The following NUP160 variants were observed in gnomAD, a reference collection of about 807,000 sequenced individuals.
NUP160 encodes the protein nuclear pore complex protein Nup160.
In NUP160, 94 loss-of-function variants were observed where a neutral mutation model predicts 196.9. The ratio of observed to expected loss-of-function variants is 0.48; its 90% CI spans 0.40 to 0.57. The LOEUF is 0.57. NUP160 is among the 20% of genes least tolerant of loss of function. The pLI is 0.00. For missense variants in NUP160, 1,638 were observed against 1,748.3 expected (o/e 0.94, Z 1.13); for synonymous variants, 605 against 619.7 (o/e 0.98, Z 0.35).
At chr11:47,837,577 T>A in exon 5 of NUP160, 1 of 1,614,140 alleles carries the variant, frequency 6.2e-7, no homozygotes, top group Non-Finnish European at 8.5e-7. Context: ...CTGTAAGCAA[T>A]CGTTGCATTA....
chr11:47,815,091 T>C, intron 13 of NUP160: 1 of 152,930 alleles, frequency 6.5e-6, no homozygotes, highest in Non-Finnish European at 1.5e-5. Flanking sequence ...ATTAGCCGGG[T>C]GTGATGGTGT....
intron 7 of NUP160, among the ~76,000 whole-genome samples, chr11:47,829,800 T>C (rs1400883300): frequency 6.6e-6 from 1 of 152,118 alleles, no homozygotes; most frequent in African/African-American, 2.4e-5. Context: ...ATCCTGAACA[T>C]ACGAACGGGC....
intron 7 of NUP160, among the ~76,000 whole-genome samples, chr11:47,823,406 T>A (rs1476344447): frequency 1.3e-5 from 2 of 152,214 alleles, no homozygotes; most frequent in Admixed American, 1.3e-4. Flanking sequence ...CTCTATAAAT[T>A]TGACTACTCT....
At chr11:47,840,244 C>T (rs776018743) in intron 3 of NUP160, 134 bp downstream of exon 3, 25 of 866,196 alleles carry the variant, frequency 2.9e-5, no homozygotes, top group Non-Finnish European at 4.2e-5. Flanking sequence ...TAAGCGGTAG[C>T]TATCAAAGTA....
At position 47,801,805 on chromosome 11, in the gene NUP160, A is replaced by G. The variant is rs1204154530; in HGVS notation, c.2895+6T>C. On this transcript the variant is annotated splice_donor_region_variant and intron_variant, in intron 23 of 35. Transcript: ENST00000378460. ...TGGTATAAGGCCAAACCAAGACATG[A>G]TGTACCTTGTCATAATACTGCAGCC... The G allele has an allele frequency of 3.1e-6, 5 of 1,613,582 alleles. No homozygotes were observed. Among genetic ancestry groups the G allele is most frequent in the Non-Finnish European group, 4.2e-6 (5 of 1,179,728 alleles).
chr11:47,808,366 A>AT, intron 18 of NUP160, 30 bp downstream of exon 18: 1 of 1,583,230 alleles, frequency 6.3e-7, no homozygotes, highest in Non-Finnish European at 8.6e-7. Context: ...CACAATTTAC[A>AT]TTTTAAATAA....
intron 7 of NUP160, among the ~76,000 whole-genome samples, chr11:47,826,456 T>C (rs1319817111): frequency 1.3e-5 from 2 of 152,136 alleles, no homozygotes; most frequent in East Asian, 1.9e-4. Flanking sequence ...CCTGAACTAC[T>C]ACATTCATTC....
chr11:47,806,061 G>T, intron 20 of NUP160, 92 bp downstream of exon 20: 1 of 1,197,578 alleles, frequency 8.4e-7, no homozygotes, highest in Non-Finnish European at 1.2e-6. Flanking sequence ...TGATAAACCT[G>T]CCTCCACCTC....
rs576717550 is a variant in NUP160 at position 47,788,876 on chromosome 11, CT to C, written c.3512-266del. Reference sequence around the variant, plus strand: ...ATGTAATTTCATTTAACTCTTTAAACTTTTTTTTTTTTTTTTAAGGAAACAA... The same window carrying C: ...ATGTAATTTCATTTAACTCTTTAAACTTTTTTTTTTTTTTTAAGGAAACAA... On this transcript the variant is annotated intron_variant, in intron 29 of 35. Transcript: ENST00000378460. Among the ~76,000 whole-genome samples, 882 of 140,612 alleles carry C rather than the reference CT, an allele frequency of 6.3e-3. 1 individual carries two copies. The highest frequency in any genetic ancestry group is 5.4e-3 in the African/African-American group (206 of 38,492). The allele number at this position is 140,612 out of a possible 152,430, so 92.2% of individuals were successfully genotyped here.
chr11:47,806,852 C>CACACACACATAT (rs1428564239), intron 19 of NUP160, among the ~76,000 whole-genome samples: 10 of 124,248 alleles, frequency 8.0e-5, no homozygotes, highest in African/African-American at 2.9e-4. Context: ...CACACACACA[C>CACACACACATAT]ATATATATAC....
At chr11:47,778,813 TAATG>T (rs2097658973) in exon 36 of NUP160, 1 of 225,218 alleles carries the variant, frequency 4.4e-6, no homozygotes, top group African/African-American at 2.3e-5. Context: ...AATTTGCAGA[TAATG>T]AATGTCTTCG....
At chr11:47,804,525 C>T (rs199750385) in intron 21 of NUP160, 24 bp downstream of exon 21, 97 of 1,451,320 alleles carry the variant, frequency 6.7e-5, no homozygotes, top group Admixed American at 7.4e-5. Flanking sequence ...AATGTGTAGA[C>T]ATGAAATGTT....
At chr11:47,825,785 T>C (rs565849427) in intron 7 of NUP160, among the ~76,000 whole-genome samples, 1 of 152,218 alleles carries the variant, frequency 6.6e-6, no homozygotes, top group Non-Finnish European at 1.5e-5. Context: ...CGTTTTACCA[T>C]GTTGGCCAGG....
intron 18 of NUP160, among the ~76,000 whole-genome samples, chr11:47,807,931 A>G (rs533748376): frequency 6.6e-6 from 1 of 152,362 alleles, no homozygotes; most frequent in South Asian, 2.1e-4. Flanking sequence ...GTAACAAATA[A>G]AGGCACCAAA....
chr11:47,838,506 G>A (rs1852225289), intron 4 of NUP160, among the ~76,000 whole-genome samples: 1 of 152,050 alleles, frequency 6.6e-6, no homozygotes, highest in East Asian at 1.9e-4. Context: ...TCAGGAGTTC[G>A]AGACCAGCCT....
At chr11:47,830,866 TAAA>T (rs572384948) in intron 7 of NUP160, among the ~76,000 whole-genome samples, 1 of 145,836 alleles carries the variant, frequency 6.9e-6, no homozygotes, top group Admixed American at 6.8e-5. Context: ...AAACAAAAGT[TAAA>T]AAAAAAAAGA....
At chr11:47,815,351 C>G (rs2097683780) in intron 13 of NUP160, 128 bp downstream of exon 13, 1 of 579,518 alleles carries the variant, frequency 1.7e-6, no homozygotes, top group Non-Finnish European at 2.8e-6. Flanking sequence ...GTCCTAAATG[C>G]TAACCGCAAC....
chr11:47,833,285 C>T (rs973335646), intron 7 of NUP160, among the ~76,000 whole-genome samples: 20 of 151,920 alleles, frequency 1.3e-4, no homozygotes, highest in Admixed American at 1.3e-3. Flanking sequence ...GAAACCCCAT[C>T]TCTATTAAAA....
At chr11:47,826,980 C>T (rs1168879393) in intron 7 of NUP160, 1 of 451,894 alleles carries the variant, frequency 2.2e-6, no homozygotes, top group African/African-American at 2.0e-5. Context: ...TAAATCAAGG[C>T]AGTGGGACCA....
Sources: gnomAD v4.1 joint callset for allele counts (sites outside exome capture counted in the v4.1 genomes callset) on GRCh38, gnomAD v4.1.1 for gene constraint, MANE v1.5 for transcripts, NCBI Gene and HGNC (gene_info 2026-07-23, HGNC 2026-07-21) for gene names.